ESRP1: variants seen among roughly 807,000 people sequenced by gnomAD.
The protein encoded by ESRP1 is epithelial splicing regulatory protein 1.
In ESRP1, 33 loss-of-function variants were observed where a neutral mutation model predicts 81.7. The observed-to-expected ratio is 0.40, with a 90% CI of 0.31 to 0.54. The LOEUF (loss-of-function observed/expected upper bound fraction) is 0.54. Ranked by LOEUF, ESRP1 falls within the 20% of genes least tolerant of loss-of-function variation. The pLI, the probability that ESRP1 is intolerant of heterozygous loss-of-function variation, is 0.41. For synonymous variants in ESRP1, 320 were observed against 303.3 expected, an observed-to-expected ratio of 1.06 and a Z score of -0.57; for missense variants, 672 against 833.1, an observed-to-expected ratio of 0.81 and a Z score of 2.38.
At chr8:94,703,477 C>A (rs1447813736) in intron 15 of ESRP1, among the ~76,000 whole-genome samples, 3 of 152,110 alleles carry the variant, frequency 2.0e-5, no homozygotes, top group African/African-American at 7.2e-5. Context: ...CAGTCAAACT[C>A]CACTGGCATT....
chr8:94,682,904 T>TTATTTATATATATATA (rs1554579845), intron 13 of ESRP1, among the ~76,000 whole-genome samples: 4 of 29,842 alleles, frequency 1.3e-4, no homozygotes, highest in African/African-American at 7.2e-4. Flanking sequence ...ATTCATTATT[T>TTATTTATATATATATA]TATATATATA....
At position 94,696,704 on chromosome 8, in the gene ESRP1, A is replaced by T. The variant is rs540197058; in HGVS notation, c.1972-148A>T. ...ATGTTAAGAAATAAAGATTTGGGTT[A>T]GTAGATATGTATATGGCTTGTACCT... On this transcript the variant is annotated intron_variant, in intron 14 of 15. Coordinates refer to ENST00000433389, the MANE Select transcript of ESRP1 (RefSeq NM_017697.4). 9.1e-4 allele frequency: 500 copies of T among 552,234 alleles called. 1 individual carries two copies. The highest frequency in any genetic ancestry group is 8.8e-3 in the African/African-American group (464 of 52,780). The allele number at this position is 552,234 out of a possible 1,614,324, so 34.2% of individuals were successfully genotyped here. A position where few individuals can be genotyped will look rare whatever the true frequency, so the allele number is the denominator to read the frequency against.
intron 4 of ESRP1, among the ~76,000 whole-genome samples, chr8:94,655,079 G>GTA (rs1818335433): frequency 7.1e-6 from 1 of 141,504 alleles, no homozygotes; most frequent in Non-Finnish European, 1.5e-5. Flanking sequence ...GTGTGTGTGT[G>GTA]TGTGTGTGTT....
chr8:94,700,785 T>C (rs1438195930), intron 15 of ESRP1, among the ~76,000 whole-genome samples: 1 of 151,150 alleles, frequency 6.6e-6, no homozygotes. Flanking sequence ...AAAAATCAGC[T>C]GGGTGTGGTG....
intron 4 of ESRP1, chr8:94,656,028 T>C (rs1027205002): frequency 6.6e-6 from 1 of 151,288 alleles, no homozygotes; most frequent in African/African-American, 2.4e-5. Context: ...GTATCCACAG[T>C]AGGTTCATCA....
chr8:94,692,598 C>A, intron 13 of ESRP1, 79 bp from the exon 14 acceptor site: 1 of 1,473,556 alleles, frequency 6.8e-7, no homozygotes, highest in East Asian at 2.3e-5. Context: ...ATTCTGTTTC[C>A]TTAAGTAACT....
chr8:94,695,041 G>A (rs951999811), intron 14 of ESRP1, among the ~76,000 whole-genome samples: 5 of 152,088 alleles, frequency 3.3e-5, no homozygotes, highest in Non-Finnish European at 5.9e-5. Context: ...TACATAAAAC[G>A]TGTATTTTCT....
intron 12 of ESRP1, among the ~76,000 whole-genome samples, chr8:94,677,120 A>G (rs1289866455): frequency 1.3e-5 from 2 of 152,232 alleles, no homozygotes; most frequent in Non-Finnish European, 1.5e-5. Context: ...CTCAAGTTAA[A>G]TATGAGATCA....
At chr8:94,659,447 T>C (rs907545608) in intron 4 of ESRP1, among the ~76,000 whole-genome samples, 9 of 152,288 alleles carry the variant, frequency 5.9e-5, no homozygotes, top group African/African-American at 2.2e-4. Context: ...CAACTGGTGG[T>C]TACCCCATCT....
intron 13 of ESRP1, among the ~76,000 whole-genome samples, chr8:94,687,323 CCATT>C (rs775145094): frequency 9.9e-5 from 15 of 152,148 alleles, no homozygotes; most frequent in Non-Finnish European, 2.1e-4. Context: ...TTTGGTTTAT[CCATT>C]CATCAGTTGA....
chr8:94,667,863 T>C (rs1819106354), intron 9 of ESRP1, 86 bp from the exon 10 acceptor site: 7 of 1,153,258 alleles, frequency 6.1e-6, no homozygotes, highest in Non-Finnish European at 7.4e-6. Flanking sequence ...ACTCAAGACA[T>C]TGGCAGGACT....
At chr8:94,666,590 A>G (rs895371304) in intron 9 of ESRP1, among the ~76,000 whole-genome samples, 1 of 152,194 alleles carries the variant, frequency 6.6e-6, no homozygotes, top group African/African-American at 2.4e-5. Context: ...TTCCTACATT[A>G]CAGAGCCTGG....
intron 1 of ESRP1, 108 bp downstream of exon 1, chr8:94,641,558 C>A: frequency 6.7e-7 from 1 of 1,483,720 alleles, no homozygotes; most frequent in Non-Finnish European, 9.3e-7. Flanking sequence ...CTCTTGTTTG[C>A]CCACTTGTGA....
intron 15 of ESRP1, among the ~76,000 whole-genome samples, chr8:94,700,111 A>G (rs968627826): frequency 1.6e-4 from 25 of 152,244 alleles, no homozygotes; most frequent in Admixed American, 9.2e-4. Flanking sequence ...GATCAAGCTA[A>G]CAAAAAGATC....
chr8:94,677,341 T>C (rs1808687517), intron 12 of ESRP1, among the ~76,000 whole-genome samples: 1 of 152,206 alleles, frequency 6.6e-6, no homozygotes, highest in African/African-American at 2.4e-5. Context: ...TCATTCAGCA[T>C]CTCAACTTAA....
rs2303455 is a variant in ESRP1, at chr8:94,662,382, T to A, written c.589+12T>A. ...TTCAGAGCCTTATAGTAAGTATTGC[T>A]TTTATAGTAGTGCAGTCCCAGAATT... On this transcript the variant is annotated intron_variant, in intron 5 of 15. Coordinates refer to ENST00000433389, the MANE Select transcript of ESRP1 (RefSeq NM_017697.4). 6.4e-7 allele frequency: 1 copy of A among 1,553,784 alleles called. No homozygotes were observed. Among genetic ancestry groups the A allele is most frequent in the East Asian group, 2.3e-5 (1 of 44,080 alleles).
At chr8:94,691,828 A>G (rs1809414459) in intron 13 of ESRP1, among the ~76,000 whole-genome samples, 1 of 152,124 alleles carries the variant, frequency 6.6e-6, no homozygotes, top group Non-Finnish European at 1.5e-5. Flanking sequence ...TTCCCTATAT[A>G]TTTTCAATTA....
chr8:94,690,035 G>A (rs1451792323), intron 13 of ESRP1, among the ~76,000 whole-genome samples: 1 of 151,504 alleles, frequency 6.6e-6, no homozygotes, highest in Non-Finnish European at 1.5e-5. Flanking sequence ...AGCCAGGATG[G>A]TCTCGATCTC....
At chr8:94,676,797 C>T (rs1808660475) in intron 12 of ESRP1, among the ~76,000 whole-genome samples, 1 of 151,842 alleles carries the variant, frequency 6.6e-6, no homozygotes. Flanking sequence ...CACACCCAGC[C>T]ATGTGTGTTT....
Sources: gnomAD v4.1 joint callset for allele counts (sites outside exome capture counted in the v4.1 genomes callset) on GRCh38, gnomAD v4.1.1 for gene constraint, MANE v1.5 for transcripts, NCBI Gene and HGNC (gene_info 2026-07-23, HGNC 2026-07-21) for gene names.